The following KCNH8 variants were observed in gnomAD, a reference collection of about 807,000 sequenced individuals.
KCNH8 encodes the protein voltage-gated delayed rectifier potassium channel KCNH8.
Under a neutral mutation model 103.6 loss-of-function variants are expected in KCNH8, and 70 were observed. The ratio of observed to expected loss-of-function variants is 0.68; its 90% CI spans 0.56 to 0.82. The LOEUF (loss-of-function observed/expected upper bound fraction) is 0.82. KCNH8 is among the 40% of genes least tolerant of loss of function. KCNH8 has a pLI of 0.00. For missense variants in KCNH8, 1,217 were observed against 1,329.9 expected, an observed-to-expected ratio of 0.92 and a Z score of 1.32; for synonymous variants, 498 against 489.4, an observed-to-expected ratio of 1.02 and a Z score of -0.23.
chr3:19,451,088 C>T (rs1462540959), intron 9 of KCNH8, 67 bp from the exon 10 acceptor site: 29 of 1,512,380 alleles, frequency 1.9e-5, no homozygotes, highest in Non-Finnish European at 2.3e-5. Flanking sequence ...TCCCTGCTGT[C>T]TTGCAAAGTA....
chr3:19,314,733 G>T (rs1274165634), intron 3 of KCNH8: 4 of 154,132 alleles, frequency 2.6e-5, no homozygotes, highest in Non-Finnish European at 5.9e-5. Flanking sequence ...GTGAGCAAAA[G>T]CTGACAGATA....
intron 10 of KCNH8, among the ~76,000 whole-genome samples, chr3:19,453,543 A>G (rs963780670): frequency 2.6e-5 from 4 of 152,112 alleles, no homozygotes; most frequent in Non-Finnish European, 5.9e-5. Flanking sequence ...TTTGTGGGTT[A>G]TGATCTGAAT....
At chr3:19,468,690 T>C (rs148258248) in intron 11 of KCNH8, among the ~76,000 whole-genome samples, 2 of 152,302 alleles carry the variant, frequency 1.3e-5, no homozygotes, top group Non-Finnish European at 2.9e-5. Context: ...ATGTGCCCAT[T>C]TTCTACATCT....
At chr3:19,330,977 C>G (rs2065497052) in intron 3 of KCNH8, among the ~76,000 whole-genome samples, 1 of 152,112 alleles carries the variant, frequency 6.6e-6, no homozygotes, top group Admixed American at 6.5e-5. Context: ...ATTGCAGTAT[C>G]TGCCATCTTC....
chr3:19,498,961 G>A (rs2068511953), intron 11 of KCNH8, among the ~76,000 whole-genome samples: 1 of 152,108 alleles, frequency 6.6e-6, no homozygotes, highest in African/African-American at 2.4e-5. Context: ...GCTGCGTGCT[G>A]GGAGAACCAC....
intron 3 of KCNH8, among the ~76,000 whole-genome samples, chr3:19,288,377 C>A (rs1449386941): frequency 6.6e-6 from 1 of 151,618 alleles, no homozygotes. Context: ...TATCCCTCCC[C>A]CCGTCCCCAC....
At chr3:19,246,274 GTTTTTTTTTTT>G (rs920423108) in intron 1 of KCNH8, among the ~76,000 whole-genome samples, 4 of 86,350 alleles carry the variant, frequency 4.6e-5, no homozygotes, top group Admixed American at 2.6e-4. Flanking sequence ...TGTTGTTGTT[GTTTTTTTTTTT>G]TTTTTTTTTT....
chr3:19,279,142 T>C (rs1294539666), intron 2 of KCNH8, among the ~76,000 whole-genome samples: 1 of 152,182 alleles, frequency 6.6e-6, no homozygotes, highest in African/African-American at 2.4e-5. Context: ...ATTATTAGTT[T>C]AGCCTGATGG....
At chr3:19,515,061 TACTC>T (rs1191712515) in intron 13 of KCNH8, among the ~76,000 whole-genome samples, 1 of 151,878 alleles carries the variant, frequency 6.6e-6, no homozygotes, top group South Asian at 2.1e-4. Flanking sequence ...AATATAAAAA[TACTC>T]AGTGAAATAA....
intron 11 of KCNH8, among the ~76,000 whole-genome samples, chr3:19,462,082 A>C (rs1364632495): frequency 6.6e-6 from 1 of 152,198 alleles, no homozygotes; most frequent in Non-Finnish European, 1.5e-5. Flanking sequence ...TGCTATTGTG[A>C]ATAGTGCCAC....
chr3:19,378,304 A>G (rs1161490617), intron 5 of KCNH8, among the ~76,000 whole-genome samples: 3 of 152,214 alleles, frequency 2.0e-5, no homozygotes, highest in Non-Finnish European at 4.4e-5. Context: ...TTCCAGCTAC[A>G]ATCCTATTGC....
At chr3:19,268,720 G>A (rs1056517858) in intron 2 of KCNH8, among the ~76,000 whole-genome samples, 1 of 152,036 alleles carries the variant, frequency 6.6e-6, no homozygotes, top group Non-Finnish European at 1.5e-5. Context: ...GGGATTTATT[G>A]AGTGCCACCC....
chr3:19,227,297 C>A (rs1411018802), intron 1 of KCNH8, among the ~76,000 whole-genome samples: 1 of 152,158 alleles, frequency 6.6e-6, no homozygotes, highest in Non-Finnish European at 1.5e-5. Context: ...TGTTACTAAT[C>A]TGTACATCTA....
At chr3:19,375,712 C>A (rs1414935145) in intron 5 of KCNH8, among the ~76,000 whole-genome samples, 1 of 152,146 alleles carries the variant, frequency 6.6e-6, no homozygotes, top group East Asian at 1.9e-4. Flanking sequence ...TTTTTCTGTT[C>A]TGTTTTTTCC....
At chr3:19,532,961 T>C (rs768752995) in intron 15 of KCNH8, among the ~76,000 whole-genome samples, 10 of 152,084 alleles carry the variant, frequency 6.6e-5, no homozygotes, top group Non-Finnish European at 1.5e-4. Flanking sequence ...TCCCAGCACT[T>C]TGGGAGGCCG....
chr3:19,308,550 T>C (rs2065159646), intron 3 of KCNH8, among the ~76,000 whole-genome samples: 2 of 151,746 alleles, frequency 1.3e-5, no homozygotes, highest in South Asian at 4.2e-4. Flanking sequence ...CACACTAAAT[T>C]CAATTCCACC....
At chr3:19,240,873 C>G (rs755646231) in intron 1 of KCNH8, among the ~76,000 whole-genome samples, 1 of 152,042 alleles carries the variant, frequency 6.6e-6, no homozygotes, top group Non-Finnish European at 1.5e-5. Context: ...AATTTTTCAG[C>G]TCTTCTAAAA....
At chr3:19,525,064 T>TAA (rs1259720890) in intron 15 of KCNH8, among the ~76,000 whole-genome samples, 1 of 151,848 alleles carries the variant, frequency 6.6e-6, no homozygotes, top group Non-Finnish European at 1.5e-5. Context: ...TGAAAATTGC[T>TAA]AAAAGAGTAG....
intron 7 of KCNH8, among the ~76,000 whole-genome samples, chr3:19,400,231 CAAAAAAAAAAA>C (rs11422314): frequency 2.1e-4 from 11 of 53,108 alleles, no homozygotes; most frequent in Admixed American, 1.2e-3. Context: ...TGTTAGCCAG[CAAAAAAAAAAA>C]AAAAAAAAAA....
Sources: gnomAD v4.1 joint callset for allele counts (sites outside exome capture counted in the v4.1 genomes callset) on GRCh38, gnomAD v4.1.1 for gene constraint, MANE v1.5 for transcripts, NCBI Gene and HGNC (gene_info 2026-07-23, HGNC 2026-07-21) for gene names.